The following HS6ST2 variants were observed in gnomAD, a reference collection of about 807,000 sequenced individuals.
HS6ST2 encodes heparan sulfate 6-O-sulfotransferase 2.
A neutral mutation model predicts 33.0 loss-of-function variants in HS6ST2; 17 were observed. The ratio of observed to expected loss-of-function variants is 0.52; its 90% CI spans 0.35 to 0.77. The LOEUF is 0.77. HS6ST2 is among the 30% of genes least tolerant of loss of function. The pLI is 0.01. For missense variants in HS6ST2, 519 were observed against 551.7 expected, an observed-to-expected ratio of 0.94 and a Z score of 0.59; for synonymous variants, 248 against 237.1, an observed-to-expected ratio of 1.05 and a Z score of -0.42.
intron 2 of HS6ST2, among the ~76,000 whole-genome samples, chrX:132,796,432 T>C (rs1364022373): frequency 8.9e-6 from 1 of 112,396 alleles, no homozygotes; most frequent in Admixed American, 9.4e-5. Context: ...CCATATGCTT[T>C]CAATAAAAAG....
Position 132,628,104 on chromosome X carries a change from T to A in HS6ST2, c.*119A>T. 5.4e-6 allele frequency: 3 copies of A among 555,798 alleles called. No homozygotes were observed. The highest frequency in any genetic ancestry group is 8.5e-6 in the Non-Finnish European group (3 of 351,613). The allele number at this position is 555,798 out of a possible 1,213,427, so 45.8% of individuals were successfully genotyped here. On this transcript the variant is annotated 3_prime_UTR_variant, in exon 5 of 5. Transcript: ENST00000370833. ...CAACTGTAAAGGCAACATCTAAACT[T>A]TTTTTTAAAACTTCCCCAATGAAGG... is the stretch of plus-strand genomic sequence containing the variant.
At chrX:132,642,968 G>A (rs1474707847) in intron 4 of HS6ST2, among the ~76,000 whole-genome samples, 2 of 112,079 alleles carry the variant, frequency 1.8e-5, no homozygotes, top group Non-Finnish European at 3.8e-5. Context: ...GGGGAGTCAC[G>A]GGGCAGTTGC....
intron 2 of HS6ST2, among the ~76,000 whole-genome samples, chrX:132,812,707 C>T (rs1052770318): frequency 8.2e-5 from 9 of 109,458 alleles, no homozygotes; most frequent in African/African-American, 1.3e-4. Flanking sequence ...AGGTTTCTTA[C>T]GCAGAGAATT....
chrX:132,908,114 A>G (rs943424111), intron 2 of HS6ST2, among the ~76,000 whole-genome samples: 6 of 112,429 alleles, frequency 5.3e-5, no homozygotes, highest in African/African-American at 1.9e-4. Flanking sequence ...ATCTGAATAG[A>G]TATTTCTCTA....
chrX:132,815,205 A>T (rs2065383784), intron 2 of HS6ST2, among the ~76,000 whole-genome samples: 1 of 112,487 alleles, frequency 8.9e-6, no homozygotes, highest in South Asian at 3.7e-4. Flanking sequence ...AAGAACAAAT[A>T]TTTAAAATAT....
chrX:132,808,421 C>A (rs2065306341), intron 2 of HS6ST2, among the ~76,000 whole-genome samples: 1 of 111,932 alleles, frequency 8.9e-6, no homozygotes, highest in Admixed American at 9.5e-5. Flanking sequence ...ACATCCCCAG[C>A]CCCATGTGTC....
rs3065679 is a variant in HS6ST2 at position 132,756,820 on chromosome X, G to GGTGTGTGTGT, written c.948-48336_948-48327dup. On this transcript the variant is annotated intron_variant, in intron 2 of 4. Coordinates refer to ENST00000370833, the MANE Select transcript of HS6ST2 (RefSeq NM_001394073.1). The stretch of plus-strand genomic sequence containing the variant: ...CTTGCTCTCCCATTCCCCTGTGCAT[G>GGTGTGTGTGT]GTGTGTGTGTGTGTGTGTGTGTGTG... Among the ~76,000 whole-genome samples, 581 of 97,320 alleles carry GGTGTGTGTGT rather than the reference G, an allele frequency of 6.0e-3. 2 individuals carry two copies. Among genetic ancestry groups the GGTGTGTGTGT allele is most frequent in the African/African-American group, 0.013 (336 of 26,630 alleles). The allele number at this position is 97,320 out of a possible 115,157, so 84.5% of individuals were successfully genotyped here.
intron 2 of HS6ST2, among the ~76,000 whole-genome samples, chrX:132,929,370 G>A (rs755270761): frequency 1.8e-4 from 20 of 110,408 alleles, no homozygotes; most frequent in Non-Finnish European, 2.6e-4. Flanking sequence ...TGAGCCTACC[G>A]TCCTACCTAC....
chrX:132,713,243 G>A (rs1202929849), intron 2 of HS6ST2, among the ~76,000 whole-genome samples: 1 of 110,982 alleles, frequency 9.0e-6, no homozygotes, highest in Non-Finnish European at 1.9e-5. Context: ...AAAGTACTTG[G>A]GAGGATTAGA....
At chrX:132,695,965 C>T (rs1004690273) in intron 3 of HS6ST2, among the ~76,000 whole-genome samples, 10 of 111,545 alleles carry the variant, frequency 9.0e-5, no homozygotes, top group Non-Finnish European at 1.9e-4. Context: ...TGAGTTCTTC[C>T]ATTTGGGCAT....
At chrX:132,637,855 A>ATATAATATTT (rs1569475952) in intron 4 of HS6ST2, among the ~76,000 whole-genome samples, 2 of 35,554 alleles carry the variant, frequency 5.6e-5, no homozygotes, top group Admixed American at 4.1e-4. Context: ...TATATAATAT[A>ATATAATATTT]TATATAATAT....
At chrX:132,730,483 C>T (rs950893302) in intron 2 of HS6ST2, among the ~76,000 whole-genome samples, 2 of 112,414 alleles carry the variant, frequency 1.8e-5, no homozygotes, top group Middle Eastern at 4.6e-3. Context: ...CATCAGCTTC[C>T]CGAGAACATC....
Position 132,948,400 on chromosome X carries a change from A to T in HS6ST2, c.947+8408T>A, listed in dbSNP as rs189455638. On this transcript the variant is annotated intron_variant, in intron 2 of 4. Coordinates refer to ENST00000370833, the MANE Select transcript of HS6ST2 (RefSeq NM_001394073.1). The stretch of plus-strand genomic sequence containing the variant: ...TTATATCATAGGATAACAAGTTCGA[A>T]ACTATTGCCAAGTTATAAATATGGA... Among the ~76,000 whole-genome samples, 249 of 112,476 alleles carry T rather than the reference A, an allele frequency of 2.2e-3. 2 individuals are homozygous for T. The highest frequency in any genetic ancestry group is 7.6e-3 in the African/African-American group (236 of 31,082).
intron 3 of HS6ST2, among the ~76,000 whole-genome samples, chrX:132,699,345 T>C (rs1450944569): frequency 8.9e-6 from 1 of 111,805 alleles, no homozygotes; most frequent in Non-Finnish European, 1.9e-5. Context: ...TGTTGTTTTA[T>C]TTATACATAT....
chrX:132,850,534 C>T (rs936560504), intron 2 of HS6ST2, among the ~76,000 whole-genome samples: 10 of 111,432 alleles, frequency 9.0e-5, no homozygotes, highest in Non-Finnish European at 1.9e-4. Context: ...GAATCAGCTG[C>T]TAACAACACT....
intron 2 of HS6ST2, among the ~76,000 whole-genome samples, chrX:132,927,871 A>AG (rs1213239219): frequency 9.1e-6 from 1 of 109,478 alleles, no homozygotes; most frequent in Admixed American, 9.9e-5. Flanking sequence ...AAAAAAAAAA[A>AG]AAAGAAAAGA....
At chrX:132,839,518 G>C (rs1423051389) in intron 2 of HS6ST2, among the ~76,000 whole-genome samples, 1 of 108,628 alleles carries the variant, frequency 9.2e-6, no homozygotes, top group African/African-American at 3.3e-5. Flanking sequence ...ATAGAGTGTG[G>C]AATAATAAAC....
At chrX:132,793,048 CTTTTTTTTTTTTTTTT>C (rs755535720) in intron 2 of HS6ST2, among the ~76,000 whole-genome samples, 2 of 53,247 alleles carry the variant, frequency 3.8e-5, no homozygotes, top group East Asian at 7.0e-4. Context: ...AAATAAACTC[CTTTTTTTTTTTTTTTT>C]TTTTTTTTTT....
At chrX:132,647,650 T>C (rs1000988174) in intron 4 of HS6ST2, among the ~76,000 whole-genome samples, 12 of 112,372 alleles carry the variant, frequency 1.1e-4, no homozygotes, top group Non-Finnish European at 3.8e-5. Context: ...CTTGCTCCTC[T>C]AGCATCTGTG....
Sources: gnomAD v4.1 joint callset for allele counts (sites outside exome capture counted in the v4.1 genomes callset) on GRCh38, gnomAD v4.1.1 for gene constraint, MANE v1.5 for transcripts, NCBI Gene and HGNC (gene_info 2026-07-23, HGNC 2026-07-21) for gene names.